SUCLG2: variants seen among roughly 807,000 people sequenced by gnomAD.
The protein encoded by SUCLG2 is succinate-CoA ligase GDP-forming subunit beta, also known as succinate--CoA ligase [GDP-forming] subunit beta, mitochondrial.
SUCLG2 carries 42 observed loss-of-function variants against 47.9 expected under a neutral mutation model. The ratio of observed to expected loss-of-function variants is 0.88; its 90% CI spans 0.69 to 1.14. SUCLG2 has a LOEUF of 1.14. Among genes scored for constraint, SUCLG2 ranks in the 50% most tolerant of loss-of-function variants. SUCLG2 has a pLI of 0.00. For missense variants in SUCLG2, 571 were observed against 525.9 expected (o/e 1.09, Z -0.84); for synonymous variants, 195 against 197.3 (o/e 0.99, Z 0.10).
At chr3:67,604,984 T>C (rs1480338210) in intron 2 of SUCLG2, among the ~76,000 whole-genome samples, 3 of 152,238 alleles carry the variant, frequency 2.0e-5, no homozygotes, top group Admixed American at 6.5e-5. Context: ...AGGATAGTTA[T>C]TACGATGTCT....
intron 10 of SUCLG2, among the ~76,000 whole-genome samples, chr3:67,363,913 A>G (rs901562040): frequency 6.6e-6 from 1 of 152,164 alleles, no homozygotes; most frequent in Non-Finnish European, 1.5e-5. Flanking sequence ...TAAGGAAATA[A>G]GACACAACAC....
chr3:67,642,667 C>A (rs1372631281), intron 1 of SUCLG2, among the ~76,000 whole-genome samples: 1 of 152,096 alleles, frequency 6.6e-6, no homozygotes, highest in East Asian at 1.9e-4. Context: ...TATAATAATG[C>A]CTTCCTCCTA....
chr3:67,514,769 A>C (rs191495718), intron 6 of SUCLG2, among the ~76,000 whole-genome samples: 18 of 152,352 alleles, frequency 1.2e-4, no homozygotes, highest in African/African-American at 4.1e-4. Context: ...TGGATGGAAC[A>C]CAGCACTAAA....
At chr3:67,621,924 G>A (rs1352807907) in intron 1 of SUCLG2, among the ~76,000 whole-genome samples, 2 of 152,126 alleles carry the variant, frequency 1.3e-5, no homozygotes, top group African/African-American at 4.8e-5. Context: ...TGACATTTCT[G>A]CACATCATTC....
chr3:67,461,114 A>C (rs1704321455), intron 9 of SUCLG2, among the ~76,000 whole-genome samples: 3 of 152,208 alleles, frequency 2.0e-5, no homozygotes, highest in Non-Finnish European at 4.4e-5. Flanking sequence ...CTCTATGACA[A>C]GGGACTGCTC....
intron 2 of SUCLG2, among the ~76,000 whole-genome samples, chr3:67,572,917 A>G (rs1167933426): frequency 6.6e-6 from 1 of 152,180 alleles, no homozygotes; most frequent in Non-Finnish European, 1.5e-5. Context: ...TATAGAGAAA[A>G]TGTTAAGGAA....
intron 9 of SUCLG2, among the ~76,000 whole-genome samples, chr3:67,483,285 T>C (rs1416224512): frequency 6.6e-6 from 1 of 152,108 alleles, no homozygotes; most frequent in African/African-American, 2.4e-5. Context: ...CAGAACACTT[T>C]GGTAGGTCAA....
intron 2 of SUCLG2, among the ~76,000 whole-genome samples, chr3:67,555,758 G>A (rs543824739): frequency 6.6e-6 from 1 of 152,266 alleles, no homozygotes; most frequent in Non-Finnish European, 1.5e-5. Context: ...GCAAATGATG[G>A]AAATGAGAAT....
At chr3:67,495,978 T>A (rs376636098) in intron 8 of SUCLG2, 38 bp from the exon 9 acceptor site, 3 of 1,612,692 alleles carry the variant, frequency 1.9e-6, no homozygotes, top group Admixed American at 3.3e-5. Flanking sequence ...AGGCTACATT[T>A]AGCAACATGA....
At chr3:67,611,657 A>C (rs1700528865) in intron 1 of SUCLG2, among the ~76,000 whole-genome samples, 1 of 152,248 alleles carries the variant, frequency 6.6e-6, no homozygotes, top group Non-Finnish European at 1.5e-5. Context: ...TAACCAAAGA[A>C]AGAAAAAATA....
intron 2 of SUCLG2, among the ~76,000 whole-genome samples, chr3:67,564,887 G>A (rs368165211): frequency 3.3e-5 from 5 of 151,902 alleles, no homozygotes; most frequent in East Asian, 1.9e-4. Context: ...TAAGCCTTTC[G>A]TGCTATTTAT....
chr3:67,406,769 A>G (rs868057878), intron 9 of SUCLG2, among the ~76,000 whole-genome samples: 2 of 152,294 alleles, frequency 1.3e-5, no homozygotes, highest in African/African-American at 2.4e-5. Flanking sequence ...GTTTTGAGAC[A>G]CCTACACAGA....
intron 6 of SUCLG2, 76 bp downstream of exon 6, chr3:67,518,171 A>G: frequency 8.3e-7 from 1 of 1,206,854 alleles, no homozygotes; most frequent in Non-Finnish European, 1.2e-6. Context: ...AATCACAAAC[A>G]CTAGAGGCAA....
At chr3:67,561,003 T>C (rs561220395) in intron 2 of SUCLG2, among the ~76,000 whole-genome samples, 2 of 147,918 alleles carry the variant, frequency 1.4e-5, no homozygotes, top group African/African-American at 2.5e-5. Context: ...AAGTTAATAC[T>C]AACGCAATTG....
intron 9 of SUCLG2, among the ~76,000 whole-genome samples, chr3:67,412,839 G>A (rs753385650): frequency 9.2e-5 from 14 of 152,112 alleles, no homozygotes; most frequent in Non-Finnish European, 1.9e-4. Context: ...TGTGAGATGA[G>A]TGTGCCATTG....
At chr3:67,448,802 T>A (rs1271542511) in intron 9 of SUCLG2, among the ~76,000 whole-genome samples, 3 of 152,186 alleles carry the variant, frequency 2.0e-5, no homozygotes. Context: ...GAAAAAACAC[T>A]ATTTCTGAAT....
downstream of SUCLG2, among the ~76,000 whole-genome samples, chr3:67,369,863 A>G (rs1414375375): frequency 6.6e-6 from 1 of 152,208 alleles, no homozygotes; most frequent in South Asian, 2.1e-4. Flanking sequence ...AAGTGGCACT[A>G]TGAACATTTT....
chr3:67,595,397 T>C (rs980540381), intron 2 of SUCLG2, among the ~76,000 whole-genome samples: 1 of 151,962 alleles, frequency 6.6e-6, no homozygotes, highest in African/African-American at 2.4e-5. Flanking sequence ...ACTAATAAAA[T>C]CACCCCAAGA....
chr3:67,547,438 A>C (rs1445504480), intron 2 of SUCLG2, among the ~76,000 whole-genome samples: 2 of 152,194 alleles, frequency 1.3e-5, no homozygotes, highest in Non-Finnish European at 2.9e-5. Flanking sequence ...TCCAGAAGTA[A>C]ACAATACATC....
Sources: allele counts gnomAD v4.1 joint callset (sites outside exome capture counted in the v4.1 genomes callset), GRCh38; gene constraint gnomAD v4.1.1; transcripts MANE v1.5; gene names NCBI Gene and HGNC (gene_info 2026-07-23, HGNC 2026-07-21).